RNF130: variants seen among roughly 807,000 people sequenced by gnomAD.
RNF130 encodes the protein ring finger protein 130, also known as E3 ubiquitin-protein ligase RNF130.
RNF130 carries 21 observed loss-of-function variants against 44.6 expected under a neutral mutation model. The ratio of observed to expected loss-of-function variants is 0.47; its 90% CI spans 0.33 to 0.68. The LOEUF (loss-of-function observed/expected upper bound fraction) is 0.68, where lower values mean the gene tolerates loss of function less well. Ranked by LOEUF, RNF130 falls within the 30% of genes least tolerant of loss-of-function variation. RNF130 has a pLI of 0.02. For missense variants in RNF130, 479 were observed against 560.6 expected (o/e 0.85, Z 1.47); for synonymous variants, 214 against 210.4 (o/e 1.02, Z -0.15).
At chr5:180,052,478 C>T (rs767092941) in intron 1 of RNF130, among the ~76,000 whole-genome samples, 7 of 152,226 alleles carry the variant, frequency 4.6e-5, no homozygotes, top group African/African-American at 7.2e-5. Flanking sequence ...TCCAGAGCAG[C>T]GCCTGAAGGC....
intron 8 of RNF130, among the ~76,000 whole-genome samples, chr5:179,960,020 C>T (rs1054422114): frequency 6.6e-6 from 1 of 152,138 alleles, no homozygotes; most frequent in Admixed American, 6.5e-5. Context: ...CTTCAAATCT[C>T]TACTACACAT....
chr5:179,980,467 G>C, intron 3 of RNF130: 1 of 395,258 alleles, frequency 2.5e-6, no homozygotes. Flanking sequence ...AAAAAAGTTA[G>C]GTGTCATAAT....
intron 2 of RNF130, chr5:180,015,279 T>C (rs1321534143): frequency 2.0e-6 from 1 of 499,860 alleles, no homozygotes; most frequent in Admixed American, 2.0e-5. Context: ...TAAAATGTTG[T>C]TCAACGGGCC....
intron 1 of RNF130, among the ~76,000 whole-genome samples, chr5:180,054,909 A>T (rs1271407561): frequency 6.6e-6 from 1 of 152,170 alleles, no homozygotes; most frequent in Admixed American, 6.5e-5. Flanking sequence ...GATATTGTGA[A>T]ATTTTTATTT....
chr5:180,059,299 G>A (rs907976433), intron 1 of RNF130, among the ~76,000 whole-genome samples: 2 of 152,162 alleles, frequency 1.3e-5, no homozygotes, highest in African/African-American at 2.4e-5. Context: ...ACCCTAGACT[G>A]AGTCTCTTCT....
chr5:180,019,047 T>C (rs1025767523), intron 2 of RNF130, among the ~76,000 whole-genome samples: 12 of 152,202 alleles, frequency 7.9e-5, no homozygotes, highest in African/African-American at 2.2e-4. Flanking sequence ...TATAACCTAT[T>C]ATACGTAAAG....
exon 8 of RNF130, chr5:179,913,242 C>G (rs1235408182): frequency 6.6e-6 from 1 of 152,292 alleles, no homozygotes; most frequent in Non-Finnish European, 1.5e-5. Context: ...TTTTGTGGTA[C>G]AGAGAGGAGG....
At chr5:180,026,615 C>A (rs890102151) in intron 2 of RNF130, among the ~76,000 whole-genome samples, 1 of 152,134 alleles carries the variant, frequency 6.6e-6, no homozygotes. Flanking sequence ...ATAAACAGGA[C>A]CAAGCTCTTG....
At chr5:179,960,544 C>T (rs946708759) in intron 8 of RNF130, among the ~76,000 whole-genome samples, 7 of 152,186 alleles carry the variant, frequency 4.6e-5, no homozygotes, top group African/African-American at 1.7e-4. Context: ...TAGTTAGCAA[C>T]CCACCCATGA....
chr5:180,018,583 A>C (rs1223288837), intron 2 of RNF130, among the ~76,000 whole-genome samples: 1 of 152,158 alleles, frequency 6.6e-6, no homozygotes, highest in Non-Finnish European at 1.5e-5. Context: ...TTGGGTGGGG[A>C]CACAGAGCCA....
At chr5:180,036,056 A>C (rs1319062522) in intron 2 of RNF130, among the ~76,000 whole-genome samples, 1 of 152,212 alleles carries the variant, frequency 6.6e-6, no homozygotes, top group Admixed American at 6.5e-5. Context: ...TGTTTTCCTG[A>C]ATATGAGTCA....
chr5:179,937,528 T>C (rs916694645), intron 7 of RNF130, among the ~76,000 whole-genome samples: 7 of 152,140 alleles, frequency 4.6e-5, no homozygotes, highest in East Asian at 1.9e-4. Context: ...GAAATGGCTA[T>C]AATTTTAAAA....
intron 3 of RNF130, among the ~76,000 whole-genome samples, chr5:180,003,448 TTA>T (rs1561688248): frequency 6.6e-6 from 1 of 152,246 alleles, no homozygotes. Context: ...TGAACACCTC[TTA>T]TAGCACAAGG....
intron 5 of RNF130, among the ~76,000 whole-genome samples, chr5:179,976,282 G>A (rs565006655): frequency 1.3e-5 from 2 of 152,362 alleles, no homozygotes; most frequent in East Asian, 3.9e-4. Flanking sequence ...AGCCTCCCCT[G>A]AGGGAAGATC....
At chr5:180,007,619 AG>A (rs1447377212) in intron 3 of RNF130, among the ~76,000 whole-genome samples, 1 of 152,216 alleles carries the variant, frequency 6.6e-6, no homozygotes, top group Non-Finnish European at 1.5e-5. Flanking sequence ...AAACGGAAGG[AG>A]GAAAAAAGGT....
At chr5:179,959,471 C>T (rs1359068690) in intron 8 of RNF130, among the ~76,000 whole-genome samples, 3 of 151,880 alleles carry the variant, frequency 2.0e-5, no homozygotes, top group East Asian at 1.9e-4. Context: ...ACTAAAAATA[C>T]AAAAAAATTA....
intron 8 of RNF130, among the ~76,000 whole-genome samples, chr5:179,962,814 G>A (rs1205867420): frequency 1.3e-5 from 2 of 151,890 alleles, no homozygotes; most frequent in African/African-American, 4.8e-5. Context: ...AGTCCTGAGC[G>A]TGCCCTACAG....
At chr5:180,044,124 G>A (rs929397875) in intron 1 of RNF130, among the ~76,000 whole-genome samples, 7 of 152,250 alleles carry the variant, frequency 4.6e-5, no homozygotes, top group African/African-American at 1.7e-4. Context: ...ATATTATGGT[G>A]TAAAATATCT....
intron 3 of RNF130, among the ~76,000 whole-genome samples, chr5:179,997,752 C>A (rs1247822501): frequency 6.6e-6 from 1 of 152,134 alleles, no homozygotes; most frequent in African/African-American, 2.4e-5. Context: ...TAAGCATGAG[C>A]CACCATGCCT....
Sources: allele counts gnomAD v4.1 joint callset (sites outside exome capture counted in the v4.1 genomes callset), GRCh38; gene constraint gnomAD v4.1.1; transcripts MANE v1.5; gene names NCBI Gene and HGNC (gene_info 2026-07-23, HGNC 2026-07-21).